NUP133: variants seen among roughly 807,000 people sequenced by gnomAD.
The protein encoded by NUP133 is nucleoporin 133.
Under a neutral mutation model 146.2 loss-of-function variants are expected in NUP133, and 66 were observed. That is an observed-to-expected ratio of 0.45 (90% confidence interval 0.37 to 0.55). The LOEUF is 0.55. Ranked by LOEUF, NUP133 falls within the 20% of genes least tolerant of loss-of-function variation. NUP133 has a pLI of 0.00. For missense variants in NUP133, 1,277 were observed against 1,374.8 expected (o/e 0.93, Z 1.12); for synonymous variants, 521 against 498.8 (o/e 1.04, Z -0.59).
intron 7 of NUP133, 91 bp from the exon 8 acceptor site, chr1:229,495,656 C>A: frequency 9.9e-7 from 1 of 1,011,162 alleles, no homozygotes; most frequent in Non-Finnish European, 1.5e-6. Context: ...AAGTGCTTCA[C>A]CCATAACTCA....
intron 25 of NUP133, among the ~76,000 whole-genome samples, chr1:229,442,541 T>C (rs1357428576): frequency 6.6e-6 from 1 of 152,126 alleles, no homozygotes; most frequent in Non-Finnish European, 1.5e-5. Flanking sequence ...ATCTGTGTAG[T>C]TACAAACAAA....
At chr1:229,469,296 G>T (rs981161018) in intron 15 of NUP133, among the ~76,000 whole-genome samples, 1 of 152,152 alleles carries the variant, frequency 6.6e-6, no homozygotes, top group East Asian at 1.9e-4. Flanking sequence ...GCCTCATCAG[G>T]CTGTGAAGCT....
In NUP133 at chr1:229,465,400, T is replaced by TTAA. The variant is rs1660789150; in HGVS notation, c.2299+17_2299+19dup. 1 of 1,507,632 alleles carries TTAA rather than the reference T, an allele frequency of 6.6e-7. No homozygotes were observed. The highest frequency in any genetic ancestry group is 2.3e-5 in the East Asian group (1 of 44,404). 93.4% of individuals were successfully genotyped at this position (1,507,632 alleles called of 1,614,324 possible). A position where few individuals can be genotyped will look rare whatever the true frequency, so the allele number is the denominator to read the frequency against. ...ATTAGAAATATATTTTGAACAACTG[T>TTAA]TAATAAATCAGTATATTACCCGTCC... On this transcript the variant is annotated intron_variant, in intron 17 of 25. Coordinates refer to ENST00000261396, the MANE Select transcript of NUP133 (RefSeq NM_018230.3).
At chr1:229,450,734 TG>T (rs768077573) in intron 22 of NUP133, 129 bp from the exon 23 acceptor site, 21 of 489,696 alleles carry the variant, frequency 4.3e-5, no homozygotes, top group Non-Finnish European at 6.8e-5. Context: ...TTTGTTTGTT[TG>T]TTTTTTTTGA....
chr1:229,458,454 G>T (rs1660616691), intron 20 of NUP133, among the ~76,000 whole-genome samples, 158 bp from the exon 21 acceptor site: 1 of 152,174 alleles, frequency 6.6e-6, no homozygotes, highest in South Asian at 2.1e-4. Context: ...ACGTAACATT[G>T]AGAGTAATTA....
intron 12 of NUP133, 71 bp downstream of exon 12, chr1:229,483,983 A>T: frequency 9.2e-7 from 1 of 1,085,956 alleles, no homozygotes; most frequent in Non-Finnish European, 1.4e-6. Context: ...CCACCAGTCA[A>T]TAAGTAGCAC....
chr1:229,466,498 C>T, intron 16 of NUP133, 136 bp downstream of exon 16: 1 of 788,508 alleles, frequency 1.3e-6, no homozygotes, highest in Non-Finnish European at 1.9e-6. Context: ...TGACATTTTT[C>T]TAACTTTTTT....
Position 229,452,578 on chromosome 1 carries a change from T to G in NUP133, c.3046A>C (p.Lys1016Gln). 6.2e-7 allele frequency: 1 copy of G among 1,614,060 alleles called. No individual in the cohort carries two copies. Among genetic ancestry groups the G allele is most frequent in the Non-Finnish European group, 8.5e-7 (1 of 1,179,932 alleles). Residue 1016 changes from lysine (K) to glutamine (Q), a missense_variant, in exon 22 of 26, where the codon AAA becomes CAA. By Grantham distance (53) the Lys-to-Gln change is moderately conservative. Transcript: ENST00000261396. ...ETLPEQLLAEKQLNLSAMPVL... is the reference protein window; with the variant it reads ...ETLPEQLLAEQQLNLSAMPVL... The stretch of plus-strand genomic sequence containing the variant: ...GGCATCGCACTGAGATTTAGCTGTT[T>G]CTCCGCCAGCAGCTGTTCAGGTAGG...
rs936131967 is a variant in NUP133 at position 229,484,250 on chromosome 1, G to A, written c.1501-105C>T. ...TATGATAGCAACTCCGCATATACACGAGCTGTTTGCCGTATTGTCTGTACC... is the reference window on the plus strand; with the variant it reads ...TATGATAGCAACTCCGCATATACACAAGCTGTTTGCCGTATTGTCTGTACC... On this transcript the variant is annotated intron_variant, in intron 11 of 25. Coordinates refer to ENST00000261396, the MANE Select transcript of NUP133 (RefSeq NM_018230.3). 22 of 704,790 alleles carry A rather than the reference G, an allele frequency of 3.1e-5. No individual in the cohort carries two copies. In the East Asian group the frequency reaches 3.8e-4, roughly 12 times the overall value. 43.7% of individuals were successfully genotyped at this position (704,790 alleles called of 1,614,324 possible).
At chr1:229,505,587 A>AAC (rs1661913692) in intron 2 of NUP133, among the ~76,000 whole-genome samples, 1 of 149,618 alleles carries the variant, frequency 6.7e-6, no homozygotes, top group Non-Finnish European at 1.5e-5. Context: ...AAAAAAAAAA[A>AAC]AAAAAACTAA....
intron 6 of NUP133, among the ~76,000 whole-genome samples, chr1:229,496,634 G>A (rs1381504840): frequency 6.6e-6 from 1 of 152,156 alleles, no homozygotes; most frequent in Non-Finnish European, 1.5e-5. Context: ...AAGTCATCCT[G>A]TTACATTGGA....
chr1:229,477,450 A>AG lies in NUP133; in HGVS notation c.1756+146_1756+147insC, dbSNP rs1661105237. ...GCCTTGCTCTGTCTCAAAAAAAAAA[A>AG]AAAAAAGGAAGGTCACAATATTTTA... On this transcript the variant is annotated intron_variant, in intron 13 of 25. Transcript: ENST00000261396. 3 of 639,616 alleles carry AG rather than the reference A, an allele frequency of 4.7e-6. No individual in the cohort carries two copies. The East Asian group carries it at 9.7e-5, about 21-fold the overall frequency. 39.6% of individuals were successfully genotyped at this position (639,616 alleles called of 1,614,324 possible). A position where few individuals can be genotyped will look rare whatever the true frequency, so the allele number is the denominator to read the frequency against.
chr1:229,501,957 T>G, intron 3 of NUP133, 42 bp downstream of exon 3: 1 of 1,403,390 alleles, frequency 7.1e-7, no homozygotes, highest in Non-Finnish European at 1.0e-6. Context: ...CAATTGGCAT[T>G]CCTCTCCTCT....
rs778000422 is a variant in NUP133 at position 229,441,605 on chromosome 1, G to C, written c.*299C>G. The C allele has an allele frequency of 3.8e-5, 15 of 395,096 alleles. No homozygotes were observed. The highest frequency in any genetic ancestry group is 6.9e-5 in the Non-Finnish European group (14 of 202,556). The allele number at this position is 395,096 out of a possible 1,614,324, so 24.5% of individuals were successfully genotyped here. A position where few individuals can be genotyped will look rare whatever the true frequency, so the allele number is the denominator to read the frequency against. On this transcript the variant is annotated 3_prime_UTR_variant, in exon 26 of 26. Coordinates refer to ENST00000261396, the MANE Select transcript of NUP133 (RefSeq NM_018230.3). ...TGAGGCCTAGAAGTGATTTGTACATGTGAGCAGCTAGAACCAGGACAAGAA... is the reference window on the plus strand; with the variant it reads ...TGAGGCCTAGAAGTGATTTGTACATCTGAGCAGCTAGAACCAGGACAAGAA...
intron 12 of NUP133, among the ~76,000 whole-genome samples, chr1:229,481,077 G>C (rs1278531899): frequency 6.6e-6 from 1 of 151,980 alleles, no homozygotes; most frequent in Non-Finnish European, 1.5e-5. Context: ...ATCTTTAAGA[G>C]AGCTAGCTGA....
intron 7 of NUP133, 60 bp from the exon 8 acceptor site, chr1:229,495,625 T>C: frequency 7.9e-7 from 1 of 1,268,228 alleles, no homozygotes; most frequent in South Asian, 1.2e-5. Flanking sequence ...ATTTTCACCT[T>C]TATATCCCTA....
At chr1:229,476,215 A>G (rs886153130) in intron 13 of NUP133, among the ~76,000 whole-genome samples, 1 of 152,244 alleles carries the variant, frequency 6.6e-6, no homozygotes, top group African/African-American at 2.4e-5. Context: ...TTAAGAGTAA[A>G]TTTTGGAGGT....
At position 229,472,707 on chromosome 1, in the gene NUP133, C is replaced by CATATACATATAT. The variant is rs534357538; in HGVS notation, c.1852-1904_1852-1903insATATATGTATAT. ...CAAAAAAATTAAAAAACTAAATATA[C>CATATACATATAT]ATATATATATATATATATATGTACA... On this transcript the variant is annotated intron_variant, in intron 14 of 25. Coordinates refer to ENST00000261396, the MANE Select transcript of NUP133 (RefSeq NM_018230.3). Among the ~76,000 whole-genome samples the CATATACATATAT allele has an allele frequency of 4.8e-3, 601 of 124,308 alleles. 17 individuals are homozygous for CATATACATATAT. Among genetic ancestry groups the CATATACATATAT allele is most frequent in the African/African-American group, 0.018 (576 of 31,982 alleles). 81.6% of individuals were successfully genotyped at this position (124,308 alleles called of 152,430 possible). A position where few individuals can be genotyped will look rare whatever the true frequency, so the allele number is the denominator to read the frequency against.
chr1:229,475,757 T>TAGA, intron 13 of NUP133, 25 bp from the exon 14 acceptor site: 1 of 1,539,596 alleles, frequency 6.5e-7, no homozygotes, highest in Non-Finnish European at 9.0e-7. Flanking sequence ...TGATAAAACT[T>TAGA]AGAACATAGT....
Sources: gnomAD v4.1 joint callset for allele counts (sites outside exome capture counted in the v4.1 genomes callset) on GRCh38, gnomAD v4.1.1 for gene constraint, MANE v1.5 for transcripts, NCBI Gene and HGNC (gene_info 2026-07-23, HGNC 2026-07-21) for gene names.